The following ZNF227 variants were observed in gnomAD, a reference collection of about 807,000 sequenced individuals.
ZNF227 encodes the protein zinc finger protein 227.
A neutral mutation model predicts 13.2 loss-of-function variants in ZNF227; 12 were observed. That is an observed-to-expected ratio of 0.91 (90% confidence interval 0.58 to 1.47). The LOEUF is 1.47. Among genes scored for constraint, ZNF227 ranks in the 40% most tolerant of loss-of-function variants. The pLI is 0.00. For synonymous variants in ZNF227, 338 were observed against 326.0 expected (o/e 1.04, Z -0.40); for missense variants, 885 against 967.5 (o/e 0.91, Z 1.13).
At chr19:44,228,095 G>A (rs1973365246) in intron 3 of ZNF227, 1 of 171,778 alleles carries the variant, frequency 5.8e-6, no homozygotes, top group Non-Finnish European at 1.2e-5. Flanking sequence ...GCCGGGCATG[G>A]TAGTAGACGC....
intron 5 of ZNF227, among the ~76,000 whole-genome samples, chr19:44,234,372 T>A (rs993046089): frequency 1.3e-5 from 2 of 152,172 alleles, no homozygotes; most frequent in Non-Finnish European, 2.9e-5. Context: ...GGCTGTTCAT[T>A]GATGTTATTG....
rs1568617131 is a variant in ZNF227 at position 44,235,400 on chromosome 19, T to TA, written c.971dup (p.Tyr324Ter). The TA allele has an allele frequency of 1.2e-6, 2 of 1,614,166 alleles. No individual in the cohort carries two copies. The highest frequency in any genetic ancestry group is 2.2e-5 in the South Asian group (2 of 91,078). ...ATCTAATCATACAGGAGAGAAGTCTTATAGATGCGACAGTTGCGGCAAGGG... is the reference window on the plus strand; with the variant it reads ...ATCTAATCATACAGGAGAGAAGTCTTAATAGATGCGACAGTTGCGGCAAGGG... ...YQSNHTGEKS[Y>*]RCDSCGKGFS... The change falls in exon 6 of 6, where the codon TAT becomes TAAT. Residue 324 changes from tyrosine to a stop codon, truncating the protein, a stop_gained and frameshift_variant. Coordinates refer to ENST00000313040, the MANE Select transcript of ZNF227 (RefSeq NM_182490.3). LOFTEE classifies it low-confidence loss of function (END_TRUNC).
chr19:44,224,603 T>G (rs965055418), intron 3 of ZNF227, among the ~76,000 whole-genome samples: 1 of 152,222 alleles, frequency 6.6e-6, no homozygotes, highest in African/African-American at 2.4e-5. Flanking sequence ...GCCTTTTTTT[T>G]GTTTTCCATT....
In ZNF227 at chr19:44,235,477, G is replaced by C. The variant is rs372444413; in HGVS notation, c.1047G>C (p.Glu349Asp). The C allele has an allele frequency of 5.9e-5, 96 of 1,614,024 alleles. No homozygotes were observed. Among genetic ancestry groups the C allele is most frequent in the Middle Eastern group, 1.6e-4 (1 of 6,084 alleles). Residue 349 changes from glutamate (E) to aspartate (D), a missense_variant, in exon 6 of 6, where the codon GAG becomes GAC. Glu to Asp is a conservative substitution (Grantham distance 45). Coordinates refer to ENST00000313040, the MANE Select transcript of ZNF227 (RefSeq NM_182490.3). ...TTCATTACAGAACTCATACTGGAGAGAAACCCTATAAATGCGAGGAATGTG... is the reference window on the plus strand; with the variant it reads ...TTCATTACAGAACTCATACTGGAGACAAACCCTATAAATGCGAGGAATGTG... ...LIIHYRTHTG[E>D]KPYKCEECGK...
intron 3 of ZNF227, among the ~76,000 whole-genome samples, chr19:44,222,172 A>G (rs1599795759): frequency 1.3e-5 from 2 of 151,874 alleles, no homozygotes; most frequent in East Asian, 3.9e-4. Flanking sequence ...GTAGCCTTGT[A>G]GTATAGTTTG....
chr19:44,212,387 T>G (rs1368015540), upstream of ZNF227: 2 of 145,314 alleles, frequency 1.4e-5, no homozygotes, highest in East Asian at 3.9e-4. Flanking sequence ...TGTTTTTTTT[T>G]TTTTCAAGCG....
upstream of ZNF227, among the ~76,000 whole-genome samples, chr19:44,209,569 A>T (rs1379613550): frequency 6.6e-6 from 1 of 151,576 alleles, no homozygotes; most frequent in Non-Finnish European, 1.5e-5. Flanking sequence ...TCTTTTATTT[A>T]TTTATTTATT....
rs779436638 is a variant in ZNF227, at chr19:44,236,330, TGTG to T, written c.1904_1906del (p.Gly635del). 22 of 1,613,924 alleles carry T rather than the reference TGTG, an allele frequency of 1.4e-5. No homozygotes were observed. Among genetic ancestry groups the T allele is most frequent in the Middle Eastern group, 1.6e-4 (1 of 6,082 alleles). On this transcript the variant is annotated inframe_deletion, in exon 6 of 6. Transcript: ENST00000313040. Reference sequence around the variant, plus strand: ...CCATACTGGAGAGAAGCCATACAAATGTGGTGTCTGTGGTAAGGGCTTCAGTCA... The same window carrying T: ...CCATACTGGAGAGAAGCCATACAAATGTGTCTGTGGTAAGGGCTTCAGTCA...
intron 3 of ZNF227, among the ~76,000 whole-genome samples, chr19:44,219,737 T>C (rs941675293): frequency 6.6e-6 from 1 of 151,478 alleles, no homozygotes; most frequent in East Asian, 1.9e-4. Flanking sequence ...TTCAAAACTT[T>C]TTTTTTTGGA....
At position 44,235,702 on chromosome 19, in the gene ZNF227, C is replaced by T; in HGVS notation, c.1272C>T (p.His424=). 6.2e-7 allele frequency: 1 copy of T among 1,613,684 alleles called. No homozygotes were observed. The highest frequency in any genetic ancestry group is 2.2e-5 in the East Asian group (1 of 44,828). Residue 424 remains histidine, a synonymous_variant, in exon 6 of 6, where the codon CAC becomes CAT. Coordinates refer to ENST00000313040, the MANE Select transcript of ZNF227 (RefSeq NM_182490.3). ...GKGFTQAAHF[H]IHQRVHTGEK... is the part of the protein sequence containing the mutation. ...GCTTCACTCAGGCTGCACATTTTCA[C>T]ATCCATCAGAGAGTCCACACTGGAG...
chr19:44,235,531 T>C lies in ZNF227; in HGVS notation c.1101T>C (p.Phe367=), dbSNP rs369341844. 1.3e-5 allele frequency: 21 copies of C among 1,614,040 alleles called. No individual in the cohort carries two copies. Among genetic ancestry groups the C allele is most frequent in the Non-Finnish European group, 1.8e-5 (21 of 1,180,038 alleles). The part of the protein sequence containing the change: ...CGKCFSQSSN[F]QCHQRVHTEE... ...AATGCTTTAGTCAAAGTTCAAATTT[T>C]CAGTGCCATCAGAGAGTCCACACTG... is the stretch of plus-strand genomic sequence containing the variant. Residue 367 remains phenylalanine, a synonymous_variant, in exon 6 of 6, where the codon TTT becomes TTC. Coordinates refer to ENST00000313040, the MANE Select transcript of ZNF227 (RefSeq NM_182490.3).
chr19:44,219,547 G>A lies in ZNF227; in HGVS notation c.60+1695G>A, dbSNP rs143717706. Among the ~76,000 whole-genome samples the A allele has an allele frequency of 5.9e-5, 9 of 152,128 alleles. No individual in the cohort carries two copies. In the South Asian group the frequency reaches 1.9e-3, roughly 32 times the overall value. On this transcript the variant is annotated intron_variant, in intron 3 of 5. Transcript: ENST00000313040. ...AACTTCACTAATAATTTAAATGTGT[G>A]AAAATGTTAATAAAATAGCTTTCTA...
At chr19:44,215,153 G>A (rs531706294) in intron 2 of ZNF227, among the ~76,000 whole-genome samples, 1 of 148,392 alleles carries the variant, frequency 6.7e-6, no homozygotes, top group South Asian at 2.1e-4. Context: ...TAAAGCATAC[G>A]CCAGACATCA....
At chr19:44,221,361 A>T (rs1972495000) in intron 3 of ZNF227, among the ~76,000 whole-genome samples, 1 of 152,174 alleles carries the variant, frequency 6.6e-6, no homozygotes, top group Admixed American at 6.5e-5. Context: ...TGGTTGAACT[A>T]GTTTACAGTC....
chr19:44,211,499 G>A (rs957499094), upstream of ZNF227, among the ~76,000 whole-genome samples: 3 of 152,144 alleles, frequency 2.0e-5, no homozygotes, highest in Admixed American at 6.5e-5. Context: ...AAAGATCAAG[G>A]TTTAAACACT....
intron 2 of ZNF227, among the ~76,000 whole-genome samples, chr19:44,213,980 G>C (rs1209786490): frequency 1.3e-5 from 2 of 152,178 alleles, no homozygotes; most frequent in Non-Finnish European, 2.9e-5. Flanking sequence ...AGTCCAAATT[G>C]AGATGTGCTG....
intron 3 of ZNF227, among the ~76,000 whole-genome samples, chr19:44,222,911 AGC>A (rs1972704602): frequency 6.6e-6 from 1 of 150,680 alleles, no homozygotes; most frequent in Admixed American, 6.6e-5. Context: ...TGTCATAGAT[AGC>A]TCTTATTATT....
intron 3 of ZNF227, chr19:44,227,142 G>A (rs184171473): frequency 6.6e-5 from 10 of 152,292 alleles, no homozygotes; most frequent in Admixed American, 2.6e-4. Flanking sequence ...TGCGTTGTTC[G>A]AGTTTATTGA....
rs761730479 is a variant in ZNF227, at chr19:44,235,144, C to A, written c.714C>A (p.Gly238=). ...GNEYGKIISD[G]SNQKLPLGEK... The stretch of plus-strand genomic sequence containing the variant: ...AATATGGCAAAATCATTAGTGATGG[C>A]TCCAATCAGAAATTACCCTTAGGAG... Residue 238 remains glycine (G), a synonymous_variant, in exon 6 of 6, where the codon GGC becomes GGA. Transcript: ENST00000313040. 1.9e-6 allele frequency: 3 copies of A among 1,614,124 alleles called. No individual in the cohort carries two copies. In the East Asian group the frequency reaches 6.7e-5, roughly 36 times the overall value.
Sources: gnomAD v4.1 joint callset for allele counts (sites outside exome capture counted in the v4.1 genomes callset) on GRCh38, gnomAD v4.1.1 for gene constraint, MANE v1.5 for transcripts, NCBI Gene and HGNC (gene_info 2026-07-23, HGNC 2026-07-21) for gene names.